Variants in CTNNA2 observed in about 807,000 individuals in gnomAD.
CTNNA2 encodes catenin alpha-2.
In CTNNA2, 42 loss-of-function variants were observed where a neutral mutation model predicts 101.0. The observed-to-expected ratio is 0.42, with a 90% CI of 0.32 to 0.54. The LOEUF (loss-of-function observed/expected upper bound fraction) is 0.54, where lower values mean the gene tolerates loss of function less well. Ranked by LOEUF, CTNNA2 falls within the 20% of genes least tolerant of loss-of-function variation. The pLI is 0.14. For missense variants in CTNNA2, 871 were observed against 1,223.1 expected (o/e 0.71, Z 4.29); for synonymous variants, 450 against 456.4 (o/e 0.99, Z 0.18).
At chr2:80,419,428 T>C in intron 8 of CTNNA2, 21 bp from the exon 9 acceptor site, 1 of 1,585,008 alleles carries the variant, frequency 6.3e-7, no homozygotes, top group African/African-American at 1.4e-5. Flanking sequence ...ATGTCATTTT[T>C]TGTTTTTGTT....
At chr2:80,448,164 C>T (rs934859577) in intron 9 of CTNNA2, among the ~76,000 whole-genome samples, 5 of 152,298 alleles carry the variant, frequency 3.3e-5, no homozygotes, top group South Asian at 4.1e-4. Context: ...CAATCACTGA[C>T]GCCTTCTCCA....
intron 18 of CTNNA2, among the ~76,000 whole-genome samples, chr2:80,630,262 G>A (rs751978462): frequency 2.6e-5 from 4 of 152,186 alleles, no homozygotes; most frequent in Non-Finnish European, 4.4e-5. Context: ...ACAAACAAGA[G>A]TATTGAAGTT....
intron 2 of CTNNA2, among the ~76,000 whole-genome samples, chr2:79,230,129 A>G (rs1048884791): frequency 6.6e-6 from 1 of 152,256 alleles, no homozygotes; most frequent in Non-Finnish European, 1.5e-5. Context: ...GGCTGCAGAA[A>G]TTTGGGTAAA....
intron 2 of CTNNA2, among the ~76,000 whole-genome samples, chr2:79,208,330 T>C (rs1246146804): frequency 1.3e-5 from 2 of 152,166 alleles, no homozygotes; most frequent in Non-Finnish European, 2.9e-5. Flanking sequence ...TCTCTAACAA[T>C]GAGCTCATGG....
At chr2:80,477,701 T>C (rs1685833033) in intron 9 of CTNNA2, among the ~76,000 whole-genome samples, 1 of 151,710 alleles carries the variant, frequency 6.6e-6, no homozygotes, top group South Asian at 2.1e-4. Flanking sequence ...TTCTTTCTTA[T>C]GGCTGAGTAG....
intron 2 of CTNNA2, among the ~76,000 whole-genome samples, chr2:79,217,137 A>T (rs62156567): frequency 1.3e-5 from 2 of 151,948 alleles, no homozygotes; most frequent in Non-Finnish European, 2.9e-5. Flanking sequence ...AGGTTGGAGA[A>T]GAGAGTAAGA....
intron 7 of CTNNA2, among the ~76,000 whole-genome samples, chr2:80,123,650 G>A (rs1432112588): frequency 6.6e-6 from 1 of 152,044 alleles, no homozygotes; most frequent in Admixed American, 6.6e-5. Context: ...GTATTCCCTT[G>A]CCCTGCTTTC....
At chr2:80,093,355 T>C (rs1699913845) in intron 7 of CTNNA2, among the ~76,000 whole-genome samples, 1 of 152,216 alleles carries the variant, frequency 6.6e-6, no homozygotes, top group Non-Finnish European at 1.5e-5. Flanking sequence ...TATGGCTGCA[T>C]AGTATTCCAT....
At chr2:79,643,885 T>A (rs541183219) in intron 1 of CTNNA2, among the ~76,000 whole-genome samples, 21 of 152,250 alleles carry the variant, frequency 1.4e-4, no homozygotes, top group Non-Finnish European at 2.1e-4. Context: ...TTTTCCATGC[T>A]TTTTATGTGG....
intron 18 of CTNNA2, among the ~76,000 whole-genome samples, chr2:80,641,794 A>AGGATATTAATATTGATTT (rs1185987284): frequency 7.2e-4 from 110 of 151,798 alleles, no homozygotes; most frequent in African/African-American, 2.5e-3. Flanking sequence ...GATTATTAAA[A>AGGATATTAATATTGATTT]GGATATTAAT....
chr2:79,318,196 C>T (rs145387323), intron 3 of CTNNA2, among the ~76,000 whole-genome samples: 7 of 151,996 alleles, frequency 4.6e-5, no homozygotes, highest in Admixed American at 6.6e-5. Flanking sequence ...ATAATGCATG[C>T]ATATATAATG....
At chr2:80,213,256 T>C (rs6757601) in intron 7 of CTNNA2, among the ~76,000 whole-genome samples, 36,939 of 151,688 alleles carry the variant, frequency 0.24, 7,370 homozygotes, top group African/African-American at 0.55. Context: ...CTTCTGCTAG[T>C]TTTTGAATGT....
intron 7 of CTNNA2, among the ~76,000 whole-genome samples, chr2:80,098,400 G>A (rs1032285904): frequency 5.3e-5 from 8 of 152,210 alleles, no homozygotes; most frequent in Non-Finnish European, 1.0e-4. Context: ...GCCATGTGAG[G>A]TGTCAGTCCG....
chr2:80,534,731 T>C lies in CTNNA2; in HGVS notation c.1291-10251T>C, dbSNP rs140214821. On this transcript the variant is annotated intron_variant, in intron 9 of 18. Coordinates refer to ENST00000402739, the MANE Select transcript of CTNNA2 (RefSeq NM_001282597.3). ...ATATGGGATGCAATGCTGGTAGCAC[T>C]GGAAAATTGGCAATTCACTTATTCC... Among the ~76,000 whole-genome samples the C allele has an allele frequency of 2.4e-3, 361 of 152,292 alleles. 1 individual carries two copies. The highest frequency in any genetic ancestry group is 4.1e-3 in the Non-Finnish European group (278 of 68,036).
rs368472963 is a variant in CTNNA2, at chr2:80,220,872, TTTTTG to T, written c.1057-172324_1057-172320del. Among the ~76,000 whole-genome samples, 692 of 152,276 alleles carry T rather than the reference TTTTTG, an allele frequency of 4.5e-3. 3 individuals are homozygous for T. The highest frequency in any genetic ancestry group is 0.02 in the Middle Eastern group (6 of 294). ...ATACTTCTTTCTGGTTTTTTGTTTGTTTTTGTTTTGTTTTGTTTTTGTTTTCTGAG... is the reference window on the plus strand; with the variant it reads ...ATACTTCTTTCTGGTTTTTTGTTTGTTTTTGTTTTGTTTTTGTTTTCTGAG... On this transcript the variant is annotated intron_variant, in intron 7 of 18. Coordinates refer to ENST00000402739, the MANE Select transcript of CTNNA2 (RefSeq NM_001282597.3).
chr2:79,301,861 G>C (rs1005147374), intron 2 of CTNNA2, among the ~76,000 whole-genome samples: 1 of 151,932 alleles, frequency 6.6e-6, no homozygotes, highest in African/African-American at 2.4e-5. Flanking sequence ...GGCTGAGGCG[G>C]GTGGATCATA....
chr2:79,290,815 C>T (rs1675784194), intron 2 of CTNNA2, among the ~76,000 whole-genome samples: 1 of 152,248 alleles, frequency 6.6e-6, no homozygotes, highest in African/African-American at 2.4e-5. Flanking sequence ...TCTCCAAGCC[C>T]ATGTGTGATC....
chr2:80,256,411 T>C (rs1672153602), intron 7 of CTNNA2, among the ~76,000 whole-genome samples: 1 of 152,144 alleles, frequency 6.6e-6, no homozygotes, highest in African/African-American at 2.4e-5. Context: ...CTGCGGCACA[T>C]CTGAATACAA....
At chr2:80,350,707 A>T (rs1673205315) in intron 7 of CTNNA2, among the ~76,000 whole-genome samples, 1 of 152,122 alleles carries the variant, frequency 6.6e-6, no homozygotes, top group Non-Finnish European at 1.5e-5. Context: ...GCCAATTTGA[A>T]CTCTGGCATT....
Sources: allele counts gnomAD v4.1 joint callset (sites outside exome capture counted in the v4.1 genomes callset), GRCh38; gene constraint gnomAD v4.1.1; transcripts MANE v1.5; gene names NCBI Gene and HGNC (gene_info 2026-07-23, HGNC 2026-07-21).